The following DACH1 variants were observed in gnomAD, a reference collection of about 807,000 sequenced individuals.
The protein encoded by DACH1 is dachshund homolog 1.
Under a neutral mutation model 54.2 loss-of-function variants are expected in DACH1, and 12 were observed. That is an observed-to-expected ratio of 0.22 (90% CI 0.14 to 0.36). DACH1 has a LOEUF of 0.36. Among genes scored for constraint, DACH1 ranks in the 10% least tolerant of loss-of-function variants. The pLI, the probability that DACH1 is intolerant of heterozygous loss-of-function variation, is 1.00. For missense variants in DACH1, 805 were observed against 929.8 expected, an observed-to-expected ratio of 0.87 and a Z score of 1.75; for synonymous variants, 386 against 366.2, an observed-to-expected ratio of 1.05 and a Z score of -0.62.
chr13:71,784,512 C>G (rs952310887), intron 1 of DACH1, among the ~76,000 whole-genome samples: 1 of 152,086 alleles, frequency 6.6e-6, no homozygotes, highest in African/African-American at 2.4e-5. Flanking sequence ...CACACCCACT[C>G]ACATAAGAAA....
intron 10 of DACH1, 72 bp from the exon 11 acceptor site, chr13:71,440,764 T>G (rs2138092369): frequency 8.5e-7 from 1 of 1,181,114 alleles, no homozygotes; most frequent in South Asian, 1.4e-5. Flanking sequence ...AAAAATGATG[T>G]AACTTGATAT....
chr13:71,552,333 C>A (rs1360004607), intron 6 of DACH1, among the ~76,000 whole-genome samples: 1 of 152,018 alleles, frequency 6.6e-6, no homozygotes, highest in Non-Finnish European at 1.5e-5. Context: ...CAGTTAGTCA[C>A]AACTATAAAT....
intron 1 of DACH1, among the ~76,000 whole-genome samples, chr13:71,772,552 G>T (rs61956370): frequency 2.0e-5 from 3 of 151,474 alleles, no homozygotes. Context: ...ATCTCCTAGC[G>T]TTTCACACTG....
intron 1 of DACH1, among the ~76,000 whole-genome samples, chr13:71,852,505 C>T (rs945582097): frequency 6.6e-6 from 1 of 152,030 alleles, no homozygotes; most frequent in Non-Finnish European, 1.5e-5. Context: ...CCTGGTATAC[C>T]ATTAAGTTTA....
intron 8 of DACH1, 106 bp from the exon 9 acceptor site, chr13:71,475,955 C>T: frequency 1.2e-6 from 1 of 827,946 alleles, no homozygotes; most frequent in South Asian, 3.8e-5. Context: ...TGTTTTCCTG[C>T]TGAACTGAGT....
At chr13:71,566,026 A>C (rs1884874960) in intron 4 of DACH1, among the ~76,000 whole-genome samples, 1 of 152,204 alleles carries the variant, frequency 6.6e-6, no homozygotes, top group Non-Finnish European at 1.5e-5. Context: ...AGGGATATAG[A>C]GATGAAGGAA....
chr13:71,837,982 T>C (rs1163573270), intron 1 of DACH1, among the ~76,000 whole-genome samples: 42 of 104,310 alleles, frequency 4.0e-4, no homozygotes, highest in African/African-American at 1.1e-3. Flanking sequence ...GGAAGGGGAA[T>C]ATCACACTCT....
chr13:71,568,868 A>G (rs1401384954), intron 4 of DACH1, among the ~76,000 whole-genome samples: 1 of 152,104 alleles, frequency 6.6e-6, no homozygotes, highest in African/African-American at 2.4e-5. Context: ...ATTATTTAAT[A>G]TATCCCCACA....
intron 1 of DACH1, among the ~76,000 whole-genome samples, chr13:71,816,530 T>C (rs1394319649): frequency 6.7e-6 from 1 of 149,644 alleles, no homozygotes; most frequent in Non-Finnish European, 1.5e-5. Context: ...ATATACTAGA[T>C]AAAGAAAATG....
intron 1 of DACH1, among the ~76,000 whole-genome samples, chr13:71,779,837 T>C (rs1192307432): frequency 1.3e-5 from 2 of 152,150 alleles, no homozygotes; most frequent in African/African-American, 4.8e-5. Flanking sequence ...TTTCTACTTG[T>C]GCAAATCTCA....
chr13:71,718,274 C>T (rs1011447731), intron 1 of DACH1, among the ~76,000 whole-genome samples: 2 of 151,866 alleles, frequency 1.3e-5, no homozygotes, highest in African/African-American at 4.8e-5. Flanking sequence ...AAGAGCATAA[C>T]AGTTAGACTT....
chr13:71,708,918 T>A (rs970269403), intron 1 of DACH1, among the ~76,000 whole-genome samples: 2 of 147,230 alleles, frequency 1.4e-5, no homozygotes, highest in Admixed American at 1.4e-4. Flanking sequence ...AGTGGCGCGA[T>A]CTCGGCTCAC....
At chr13:71,784,284 C>T (rs1594217565) in intron 1 of DACH1, among the ~76,000 whole-genome samples, 1 of 151,974 alleles carries the variant, frequency 6.6e-6, no homozygotes, top group East Asian at 1.9e-4. Context: ...CATGTAGGCA[C>T]TCAGTAAACA....
chr13:71,637,650 C>A (rs115877815), intron 2 of DACH1, among the ~76,000 whole-genome samples: 9 of 152,104 alleles, frequency 5.9e-5, no homozygotes, highest in African/African-American at 1.9e-4. Context: ...GGCATTTTTA[C>A]TAGTTAGAAT....
chr13:71,477,296 A>C (rs887072620), intron 8 of DACH1, among the ~76,000 whole-genome samples: 2 of 149,904 alleles, frequency 1.3e-5, no homozygotes, highest in Admixed American at 1.3e-4. Context: ...AATTTTTTGT[A>C]TTTTTTAGTA....
intron 1 of DACH1, among the ~76,000 whole-genome samples, chr13:71,865,060 T>C (rs952237500): frequency 6.6e-6 from 1 of 152,106 alleles, no homozygotes; most frequent in African/African-American, 2.4e-5. Context: ...ATCTCTCCAG[T>C]TCAGCTTCCA....
At chr13:71,451,391 C>T (rs1249587666) in intron 10 of DACH1, among the ~76,000 whole-genome samples, 1 of 152,098 alleles carries the variant, frequency 6.6e-6, no homozygotes, top group Non-Finnish European at 1.5e-5. Context: ...TTGTGTATTT[C>T]TAGCATCTTG....
intron 1 of DACH1, among the ~76,000 whole-genome samples, chr13:71,708,852 GTTT>G (rs11322352): frequency 1.7e-5 from 2 of 120,382 alleles, no homozygotes; most frequent in Admixed American, 8.9e-5. Flanking sequence ...GTTTTTTGTT[GTTT>G]TTTTTTTTTT....
intron 3 of DACH1, among the ~76,000 whole-genome samples, chr13:71,627,202 C>T (rs374159246): frequency 6.6e-6 from 1 of 151,652 alleles, no homozygotes; most frequent in Admixed American, 6.6e-5. Flanking sequence ...TATTATGAAC[C>T]GGGAAGGGTT....
Sources: gnomAD v4.1 joint callset for allele counts (sites outside exome capture counted in the v4.1 genomes callset) on GRCh38, gnomAD v4.1.1 for gene constraint, MANE v1.5 for transcripts, NCBI Gene and HGNC (gene_info 2026-07-23, HGNC 2026-07-21) for gene names.